CER1: variants seen among roughly 807,000 people sequenced by gnomAD.
CER1 encodes cerberus 1, DAN family BMP antagonist.
Under a neutral mutation model 11.8 loss-of-function variants are expected in CER1, and 10 were observed. That is an observed-to-expected ratio of 0.85 (90% CI 0.52 to 1.44). The LOEUF is 1.44. Among genes scored for constraint, CER1 ranks in the 40% most tolerant of loss-of-function variants. The pLI, the probability that CER1 is intolerant of heterozygous loss-of-function variation, is 0.00. For missense variants in CER1, 431 were observed against 327.0 expected, an observed-to-expected ratio of 1.32 and a Z score of -2.45; for synonymous variants, 141 against 122.3, an observed-to-expected ratio of 1.15 and a Z score of -1.01.
chr9:14,722,070 T>C (rs1313963019), intron 1 of CER1, 96 bp downstream of exon 1: 9 of 1,370,704 alleles, frequency 6.6e-6, no homozygotes, highest in African/African-American at 1.5e-5. Flanking sequence ...TAAGCTAGAG[T>C]CAGGCTCCTG....
At chr9:14,720,446 G>A in intron 1 of CER1, 60 bp from the exon 2 acceptor site, 5 of 1,477,086 alleles carry the variant, frequency 3.4e-6, no homozygotes, top group Non-Finnish European at 4.6e-6. Flanking sequence ...CACACATAAT[G>A]CAGAAGCTAT....
chr9:14,721,119 T>C (rs890624376), intron 1 of CER1, among the ~76,000 whole-genome samples: 9 of 152,252 alleles, frequency 5.9e-5, no homozygotes, highest in Non-Finnish European at 8.8e-5. Context: ...TCATTATTAT[T>C]TGATAATTGA....
chr9:14,722,635 G>A lies in CER1; in HGVS notation c.38C>T (p.Pro13Leu). ...LLLFQLLVLL[P>L]LGKTTRHQDG... The stretch of plus-strand genomic sequence containing the variant: ...CTGGTGCCGTGTGGTCTTTCCTAGA[G>A]GCAGGAGTACCAGCAGCTGAAATAA... Residue 13 changes from proline (P) to leucine (L), a missense_variant, in exon 1 of 2, where the codon CCT becomes CTT. Pro to Leu is a moderately conservative substitution (Grantham distance 98). Coordinates refer to ENST00000380911, the MANE Select transcript of CER1 (RefSeq NM_005454.3). 1.9e-6 allele frequency: 3 copies of A among 1,604,600 alleles called. No individual in the cohort carries two copies. Among genetic ancestry groups the A allele is most frequent in the East Asian group, 2.2e-5 (1 of 44,872 alleles).
chr9:14,722,722 G>C lies in CER1; in HGVS notation c.-50C>G, dbSNP rs369922610. 1.3e-6 allele frequency: 2 copies of C among 1,536,428 alleles called. No homozygotes were observed. The highest frequency in any genetic ancestry group is 2.8e-5 in the African/African-American group (2 of 72,450). ...TGTAAATGATGAGGCCCAAAGGAGA[G>C]GCTCATTCTCTGCAGGACTGGGAAA... On this transcript the variant is annotated 5_prime_UTR_variant, in exon 1 of 2. Transcript: ENST00000380911.
At position 14,722,150 on chromosome 9, in the gene CER1, C is replaced by G; in HGVS notation, c.507+16G>C. The G allele has an allele frequency of 6.2e-7, 1 of 1,602,894 alleles. No homozygotes were observed. The highest frequency in any genetic ancestry group is 8.5e-7 in the Non-Finnish European group (1 of 1,173,988). ...CACCTGCAAACTCTTACCTGCTCTC[C>G]CCCCAGAACACATACCTGGCTGAAG... On this transcript the variant is annotated intron_variant, in intron 1 of 1. Coordinates refer to ENST00000380911, the MANE Select transcript of CER1 (RefSeq NM_005454.3).
At chr9:14,719,374 G>T (rs1323067885), downstream of CER1, among the ~76,000 whole-genome samples, 2 of 152,080 alleles carry the variant, frequency 1.3e-5, no homozygotes, top group East Asian at 3.9e-4. Context: ...TGTTAAAAAG[G>T]AGGCAACCAA....
downstream of CER1, among the ~76,000 whole-genome samples, chr9:14,719,329 G>A (rs1474933197): frequency 1.3e-5 from 2 of 152,070 alleles, no homozygotes; most frequent in Non-Finnish European, 2.9e-5. Context: ...TTCAAAGTCA[G>A]AGACCTGACA....
In CER1 at chr9:14,722,720, G is replaced by T; in HGVS notation, c.-48C>A. 1 of 1,545,524 alleles carries T rather than the reference G, an allele frequency of 6.5e-7. No individual in the cohort carries two copies. The highest frequency in any genetic ancestry group is 2.1e-4 in the Middle Eastern group (1 of 4,764). ...TTTGTAAATGATGAGGCCCAAAGGAGAGGCTCATTCTCTGCAGGACTGGGA... is the reference window on the plus strand; with the variant it reads ...TTTGTAAATGATGAGGCCCAAAGGATAGGCTCATTCTCTGCAGGACTGGGA... On this transcript the variant is annotated 5_prime_UTR_variant, in exon 1 of 2. Transcript: ENST00000380911.
At chr9:14,719,103 G>C (rs1292336949), downstream of CER1, among the ~76,000 whole-genome samples, 4 of 152,082 alleles carry the variant, frequency 2.6e-5, no homozygotes, top group Admixed American at 6.5e-5. Flanking sequence ...TTCAAACATA[G>C]AAACCTTACT....
downstream of CER1, chr9:14,719,591 C>CTTCCTTCT (rs1839979115): frequency 8.1e-5 from 12 of 148,298 alleles, no homozygotes; most frequent in African/African-American, 2.8e-4. Flanking sequence ...TCCTTCCTTC[C>CTTCCTTCT]TTCCTTCCTT....
Position 14,722,591 on chromosome 9 carries a change from T to G in CER1, c.82A>C (p.Ser28Arg). The G allele has an allele frequency of 6.2e-7, 1 of 1,612,482 alleles. No homozygotes were observed. Among genetic ancestry groups the G allele is most frequent in the Non-Finnish European group, 8.5e-7 (1 of 1,179,982 alleles). ...GGCAGGAGTACGGGGGAAAGAGAAC[T>G]CTGATTCTGGCGGCCATCCTGGTGC... is the stretch of plus-strand genomic sequence containing the variant. ...TRHQDGRQNQSSLSPVLLPRN... is the reference protein window; with the variant it reads ...TRHQDGRQNQRSLSPVLLPRN... The change falls in exon 1 of 2, where the codon AGT becomes CGT. Residue 28 changes from serine to arginine, a missense_variant. By Grantham distance (110) the Ser-to-Arg change is moderately radical (BLOSUM62 -1). Transcript: ENST00000380911.
Position 14,722,571 on chromosome 9 carries a change from G to A in CER1, c.102C>T (p.Leu34=), listed in dbSNP as rs376786967. The A allele has an allele frequency of 2.4e-5, 38 of 1,613,632 alleles. No individual in the cohort carries two copies. The African/African-American group carries it at 4.1e-4, about 18-fold the overall frequency. The change falls in exon 1 of 2, where the codon CTC becomes CTT. Residue 34 remains leucine (L), a synonymous_variant. Transcript: ENST00000380911. Reference sequence around the variant, plus strand: ...GAAGCTCTCTTTGATTCCTTGGCAGGAGTACGGGGGAAAGAGAACTCTGAT... The same window carrying A: ...GAAGCTCTCTTTGATTCCTTGGCAGAAGTACGGGGGAAAGAGAACTCTGAT... ...RQNQSSLSPV[L]LPRNQRELPT... is the part of the protein sequence containing the mutation.
At chr9:14,722,004 G>A (rs1840019401) in intron 1 of CER1, among the ~76,000 whole-genome samples, 162 bp downstream of exon 1, 2 of 152,200 alleles carry the variant, frequency 1.3e-5, no homozygotes. Context: ...AAGGCCAGAA[G>A]GAAACTTAAT....
downstream of CER1, among the ~76,000 whole-genome samples, chr9:14,719,557 G>GCCTTCCTTCCTTCCTTCCTT (rs1303155684): frequency 1.3e-5 from 1 of 76,490 alleles, no homozygotes; most frequent in Admixed American, 1.4e-4. Context: ...CTGCCTGCCT[G>GCCTTCCTTCCTTCCTTCCTT]CCTGCCTTCC....
chr9:14,722,405 G>C lies in CER1; in HGVS notation c.268C>G (p.Pro90Ala), dbSNP rs767239068. ...LSRFGRFWKK[P>A]EREMHPSRDS... ...CTGGATGGATGCATTTCTCTCTCAG[G>C]CTTCTTCCAGAACCTGCCAAATCTG... The change falls in exon 1 of 2, where the codon CCT (proline) becomes GCT (alanine). Residue 90 changes from proline (P) to alanine (A), a missense_variant. Transcript: ENST00000380911. The C allele has an allele frequency of 1.2e-6, 2 of 1,614,154 alleles. No individual in the cohort carries two copies. Among genetic ancestry groups the C allele is most frequent in the Non-Finnish European group, 1.7e-6 (2 of 1,180,028 alleles).
In CER1 at chr9:14,722,147, C is replaced by A; in HGVS notation, c.507+19G>T. On this transcript the variant is annotated intron_variant, in intron 1 of 1. Transcript: ENST00000380911. ...TACCACCTGCAAACTCTTACCTGCTCTCCCCCCAGAACACATACCTGGCTG... is the reference window on the plus strand; with the variant it reads ...TACCACCTGCAAACTCTTACCTGCTATCCCCCCAGAACACATACCTGGCTG... 1.2e-6 allele frequency: 2 copies of A among 1,600,694 alleles called. No homozygotes were observed. Among genetic ancestry groups the A allele is most frequent in the East Asian group, 2.2e-5 (1 of 44,672 alleles).
chr9:14,720,401 C>T lies in CER1; in HGVS notation c.508-15G>A. 1 of 1,596,522 alleles carries T rather than the reference C, an allele frequency of 6.3e-7. No individual in the cohort carries two copies. The highest frequency in any genetic ancestry group is 8.6e-7 in the Non-Finnish European group (1 of 1,166,738). On this transcript the variant is annotated splice_polypyrimidine_tract_variant and intron_variant, in intron 1 of 1. Transcript: ENST00000380911. Reference sequence around the variant, plus strand: ...TGGGTTATAGTCTAAAAAGCAAACACATTTCCATTACGTTATTTTGAATTA... The same window carrying T: ...TGGGTTATAGTCTAAAAAGCAAACATATTTCCATTACGTTATTTTGAATTA...
At chr9:14,719,657 T>C (rs1356163127), downstream of CER1, 1 of 153,248 alleles carries the variant, frequency 6.5e-6, no homozygotes, top group Non-Finnish European at 1.5e-5. Flanking sequence ...CTCTCTATCT[T>C]GCTTCTTTGC....
Position 14,722,152 on chromosome 9 carries a change from C to CT in CER1, c.507+13_507+14insA. On this transcript the variant is annotated intron_variant, in intron 1 of 1. Coordinates refer to ENST00000380911, the MANE Select transcript of CER1 (RefSeq NM_005454.3). ...CCTGCAAACTCTTACCTGCTCTCCCCCCAGAACACATACCTGGCTGAAGGG... is the reference window on the plus strand; with the variant it reads ...CCTGCAAACTCTTACCTGCTCTCCCCTCCAGAACACATACCTGGCTGAAGGG... 6.2e-7 allele frequency: 1 copy of CT among 1,607,710 alleles called. No homozygotes were observed. The highest frequency in any genetic ancestry group is 8.5e-7 in the Non-Finnish European group (1 of 1,176,630).
Sources: allele counts gnomAD v4.1 joint callset (sites outside exome capture counted in the v4.1 genomes callset), GRCh38; gene constraint gnomAD v4.1.1; transcripts MANE v1.5; gene names NCBI Gene and HGNC (gene_info 2026-07-23, HGNC 2026-07-21).